The following PTPRR variants were observed in gnomAD, a reference collection of about 807,000 sequenced individuals.
The protein encoded by PTPRR is protein tyrosine phosphatase receptor type R, also known as receptor-type tyrosine-protein phosphatase R.
PTPRR carries 38 observed loss-of-function variants against 77.2 expected under a neutral mutation model. That is an observed-to-expected ratio of 0.49 (90% confidence interval 0.38 to 0.65). PTPRR has a LOEUF of 0.65. Ranked by LOEUF, PTPRR falls within the 30% of genes least tolerant of loss-of-function variation. The pLI is 0.00. For synonymous variants in PTPRR, 299 were observed against 283.1 expected, an observed-to-expected ratio of 1.06 and a Z score of -0.57; for missense variants, 744 against 799.2, an observed-to-expected ratio of 0.93 and a Z score of 0.83.
At position 70,764,693 on chromosome 12, in the gene PTPRR, G is replaced by T; in HGVS notation, c.443C>A (p.Pro148His). Residue 148 changes from proline (P) to histidine (H), a missense_variant, in exon 3 of 14, where the codon CCC becomes CAC. Physicochemically the swap from Pro to His is moderately conservative, Grantham distance 77. Transcript: ENST00000283228. ...QGVAAALGLL[P>H]QQVHINRLIG... Reference sequence around the variant, plus strand: ...GAGGCGATTGATGTGCACTTGCTGGGGTAAGAGTCCTAAAGCTGCAGCCAC... The same window carrying T: ...GAGGCGATTGATGTGCACTTGCTGGTGTAAGAGTCCTAAAGCTGCAGCCAC... 4 of 1,613,850 alleles carry T rather than the reference G, an allele frequency of 2.5e-6. No individual in the cohort carries two copies. The highest frequency in any genetic ancestry group is 3.4e-6 in the Non-Finnish European group (4 of 1,179,784).
chr12:70,706,366 TG>T (rs1264433645), intron 6 of PTPRR, among the ~76,000 whole-genome samples: 5 of 151,956 alleles, frequency 3.3e-5, no homozygotes, highest in Non-Finnish European at 7.4e-5. Context: ...CTGAAATAAA[TG>T]AGTAGGTATT....
chr12:70,875,785 C>A (rs1893041853), intron 2 of PTPRR, among the ~76,000 whole-genome samples: 1 of 152,028 alleles, frequency 6.6e-6, no homozygotes, highest in African/African-American at 2.4e-5. Context: ...ATATGGCAGA[C>A]AAATGGATTA....
chr12:70,691,067 A>T (rs1181305042), intron 8 of PTPRR, among the ~76,000 whole-genome samples: 2 of 152,066 alleles, frequency 1.3e-5, no homozygotes, highest in Non-Finnish European at 2.9e-5. Context: ...CAATTATTCT[A>T]TTGCTTTTCT....
At chr12:70,728,443 T>G (rs549988868) in intron 6 of PTPRR, among the ~76,000 whole-genome samples, 21 of 126,228 alleles carry the variant, frequency 1.7e-4, no homozygotes, top group Admixed American at 1.6e-3. Context: ...TGTACTGGGT[T>G]ATTCAATTAT....
chr12:70,711,702 T>C (rs1888834780), intron 6 of PTPRR, among the ~76,000 whole-genome samples: 1 of 152,110 alleles, frequency 6.6e-6, no homozygotes, highest in Admixed American at 6.6e-5. Context: ...AAGTTAAGTA[T>C]TCACAAAGAA....
chr12:70,816,975 C>T (rs1041310788), intron 2 of PTPRR, among the ~76,000 whole-genome samples: 1 of 152,080 alleles, frequency 6.6e-6, no homozygotes, highest in African/African-American at 2.4e-5. Flanking sequence ...AGAATGATCA[C>T]AGTCTATTAA....
intron 2 of PTPRR, among the ~76,000 whole-genome samples, chr12:70,846,607 C>T (rs1892487728): frequency 6.6e-6 from 1 of 151,942 alleles, no homozygotes; most frequent in Admixed American, 6.6e-5. Flanking sequence ...GAGGGCAGAT[C>T]CCTCATGAAT....
chr12:70,867,455 A>C (rs1453404162), intron 2 of PTPRR, among the ~76,000 whole-genome samples: 1 of 152,068 alleles, frequency 6.6e-6, no homozygotes, highest in African/African-American at 2.4e-5. Context: ...AAGAGAATAA[A>C]ATACCTAGGA....
chr12:70,756,852 G>T (rs1474274248), intron 4 of PTPRR, among the ~76,000 whole-genome samples: 1 of 152,136 alleles, frequency 6.6e-6, no homozygotes, highest in Non-Finnish European at 1.5e-5. Flanking sequence ...ACGATTCAGA[G>T]ATACAGAGGA....
At chr12:70,876,067 G>C (rs1474983380) in intron 2 of PTPRR, among the ~76,000 whole-genome samples, 1 of 152,102 alleles carries the variant, frequency 6.6e-6, no homozygotes. Context: ...TTGCTGGTGG[G>C]AAGATAAATT....
At chr12:70,738,827 G>C (rs1889957571) in intron 6 of PTPRR, among the ~76,000 whole-genome samples, 2 of 152,176 alleles carry the variant, frequency 1.3e-5, no homozygotes, top group Non-Finnish European at 2.9e-5. Flanking sequence ...TTGTCATGTA[G>C]CTTAACTGTC....
In PTPRR at chr12:70,892,757, A is replaced by T; in HGVS notation, c.279T>A (p.Ser93=). 6.2e-7 allele frequency: 1 copy of T among 1,613,534 alleles called. No homozygotes were observed. The highest frequency in any genetic ancestry group is 1.3e-5 in the African/African-American group (1 of 74,998). The change falls in exon 2 of 14, where the codon TCT becomes TCA. Residue 93 remains serine (S), a synonymous_variant. Transcript: ENST00000283228. ...GACCATCCATGGCCAGCAGATTGAG[A>T]GACGGGTCATATGCGGGTCTAGGAA... ...SAFPRPAYDP[S]LNLLAMDGQD... is the part of the protein sequence containing the mutation.
At chr12:70,836,432 G>A (rs1409959054) in intron 2 of PTPRR, among the ~76,000 whole-genome samples, 1 of 151,426 alleles carries the variant, frequency 6.6e-6, no homozygotes, top group Non-Finnish European at 1.5e-5. Flanking sequence ...ACCCTCTCTG[G>A]GAAGCTTAGA....
Position 70,670,067 on chromosome 12 carries a change from T to A in PTPRR, c.1498-7462A>T, listed in dbSNP as rs145803128. Among the ~76,000 whole-genome samples the A allele has an allele frequency of 3.6e-3, 546 of 152,290 alleles. 8 individuals are homozygous for A. The highest frequency in any genetic ancestry group is 0.012 in the African/African-American group (502 of 41,568). On this transcript the variant is annotated intron_variant, in intron 10 of 13. Transcript: ENST00000283228. ...TGGCTCCTTATGTGGCTTTTTGAGA[T>A]TGAACCGTTTGCAAAGTACTGAATA...
chr12:70,706,693 A>G (rs762050638), intron 6 of PTPRR, among the ~76,000 whole-genome samples: 1 of 152,120 alleles, frequency 6.6e-6, no homozygotes, highest in East Asian at 1.9e-4. Context: ...CCCTTATTTT[A>G]CAAAAAAAAT....
chr12:70,764,221 C>T (rs983216528), intron 3 of PTPRR, among the ~76,000 whole-genome samples: 3 of 152,020 alleles, frequency 2.0e-5, no homozygotes, highest in African/African-American at 7.2e-5. Context: ...GAAACTGCCT[C>T]ACCTGATATA....
chr12:70,800,897 TA>T (rs201965125), intron 2 of PTPRR, among the ~76,000 whole-genome samples: 4,713 of 117,830 alleles, frequency 0.04, 123 homozygotes, highest in African/African-American at 0.092. Flanking sequence ...CTCCATCTCA[TA>T]AAAAAAAAAA....
intron 4 of PTPRR, among the ~76,000 whole-genome samples, chr12:70,756,708 A>G (rs1388032770): frequency 6.6e-6 from 1 of 152,162 alleles, no homozygotes; most frequent in East Asian, 1.9e-4. Context: ...TGTATAGTTA[A>G]CAATGGCTTC....
chr12:70,745,912 G>A lies in PTPRR; in HGVS notation c.913C>T (p.Pro305Ser). Reference sequence around the variant, plus strand: ...ATCTCAGGAGCACCTCGGCCTTGAGGGTCCACGACAACATTCAGTACCTTT... The same window carrying A: ...ATCTCAGGAGCACCTCGGCCTTGAGAGTCCACGACAACATTCAGTACCTTT... ...APKVLNVVVD[P>S]QGRGAPEIKA... Residue 305 changes from proline (P) to serine (S), a missense_variant, in exon 6 of 14, where the codon CCT (proline) becomes TCT (serine). Around this residue, in one of 3 missense-constraint regions of PTPRR, gnomAD observed 570 missense variants for 573.2 expected, o/e 0.99. Transcript: ENST00000283228. 1.2e-6 allele frequency: 2 copies of A among 1,614,050 alleles called. No homozygotes were observed. The highest frequency in any genetic ancestry group is 1.1e-5 in the South Asian group (1 of 91,078).
Sources: gnomAD v4.1 joint callset for allele counts (sites outside exome capture counted in the v4.1 genomes callset) on GRCh38, gnomAD v4.1.1 for gene constraint, gnomAD v4.1.1 regional missense constraint, MANE v1.5 for transcripts, NCBI Gene and HGNC (gene_info 2026-07-23, HGNC 2026-07-21) for gene names.